The following ETFA variants were observed in gnomAD, a reference collection of about 807,000 sequenced individuals.
The protein encoded by ETFA is electron transfer flavoprotein subunit alpha.
ETFA carries 22 observed loss-of-function variants against 46.2 expected under a neutral mutation model. The ratio of observed to expected loss-of-function variants is 0.48; its 90% CI spans 0.34 to 0.68. ETFA has a LOEUF of 0.68. Among genes scored for constraint, ETFA ranks in the 30% least tolerant of loss-of-function variants. The probability of loss-of-function intolerance (pLI) is 0.01; values close to 1 mark genes in which losing one functional copy is unlikely to be tolerated. For synonymous variants in ETFA, 131 were observed against 139.9 expected (o/e 0.94, Z 0.45); for missense variants, 345 against 401.1 (o/e 0.86, Z 1.19).
intron 1 of ETFA, among the ~76,000 whole-genome samples, chr15:76,309,307 G>T (rs962900073): frequency 6.6e-6 from 1 of 152,110 alleles, no homozygotes; most frequent in Admixed American, 6.5e-5. Context: ...AAAAATTAGC[G>T]GGGCGTGGTG....
At chr15:76,239,306 G>A (rs2039160126) in intron 9 of ETFA, among the ~76,000 whole-genome samples, 1 of 152,108 alleles carries the variant, frequency 6.6e-6, no homozygotes, top group Non-Finnish European at 1.5e-5. Context: ...TATACAATGT[G>A]ATGTTTTGAT....
In ETFA at chr15:76,216,691, A is replaced by C. The variant is rs558438624; in HGVS notation, c.964-94T>G. On this transcript the variant is annotated intron_variant, in intron 11 of 11. Coordinates refer to ENST00000557943, the MANE Select transcript of ETFA (RefSeq NM_000126.4). ...GCATTACAGGGAGGCCAAAAGAAAC[A>C]ACACAAATCACTGTTGAGGCACGAG... 7.2e-5 allele frequency: 61 copies of C among 849,442 alleles called. No homozygotes were observed. In the African/African-American group the frequency reaches 8.6e-4, roughly 12 times the overall value. The allele number at this position is 849,442 out of a possible 1,614,324, so 52.6% of individuals were successfully genotyped here.
intron 8 of ETFA, among the ~76,000 whole-genome samples, chr15:76,281,296 C>T (rs1219541332): frequency 6.6e-6 from 1 of 152,166 alleles, no homozygotes; most frequent in African/African-American, 2.4e-5. Flanking sequence ...TGAGCCACCA[C>T]ACCCAGCCAG....
At chr15:76,260,093 G>T in intron 9 of ETFA, 1 of 1,484,792 alleles carries the variant, frequency 6.7e-7, no homozygotes, top group Non-Finnish European at 9.4e-7. Context: ...CCATCCTCCT[G>T]CTTCAGCTGG....
intron 11 of ETFA, among the ~76,000 whole-genome samples, chr15:76,217,265 C>T (rs2038905940): frequency 6.6e-6 from 1 of 152,202 alleles, no homozygotes; most frequent in Non-Finnish European, 1.5e-5. Flanking sequence ...GCATTCCTGA[C>T]TTTCCTTCCA....
At chr15:76,247,602 T>G (rs988092334) in intron 9 of ETFA, among the ~76,000 whole-genome samples, 1 of 151,966 alleles carries the variant, frequency 6.6e-6, no homozygotes, top group Non-Finnish European at 1.5e-5. Context: ...ATCAGTACAT[T>G]TTTTTTTACG....
At chr15:76,309,985 A>G (rs1225851174) in intron 1 of ETFA, 1 of 151,036 alleles carries the variant, frequency 6.6e-6, no homozygotes, top group Non-Finnish European at 1.4e-5. Flanking sequence ...TAATTCCAGG[A>G]CTTTGGGAGG....
intron 9 of ETFA, among the ~76,000 whole-genome samples, chr15:76,272,773 C>T (rs935749044): frequency 1.3e-4 from 19 of 147,014 alleles, no homozygotes; most frequent in Non-Finnish European, 2.1e-4. Flanking sequence ...TGCACTCCAG[C>T]CCAGGTAACA....
chr15:76,283,850 A>G, intron 7 of ETFA, 25 bp from the exon 8 acceptor site: 1 of 1,554,854 alleles, frequency 6.4e-7, no homozygotes, highest in South Asian at 1.1e-5. Flanking sequence ...TGAAAAAAAA[A>G]AATTAGGCAA....
At chr15:76,220,293 C>T (rs945155250) in intron 11 of ETFA, among the ~76,000 whole-genome samples, 2 of 152,198 alleles carry the variant, frequency 1.3e-5, no homozygotes, top group Non-Finnish European at 2.9e-5. Context: ...GTCTCGAACT[C>T]GTGACATCGA....
chr15:76,259,326 C>T (rs1301418325), intron 9 of ETFA: 25 of 1,596,396 alleles, frequency 1.6e-5, no homozygotes, highest in African/African-American at 6.7e-5. Flanking sequence ...ACAAGTAAAG[C>T]TTGGGCGCTG....
chr15:76,255,943 G>A (rs1202369962), intron 9 of ETFA, among the ~76,000 whole-genome samples: 1 of 151,436 alleles, frequency 6.6e-6, no homozygotes, highest in East Asian at 1.9e-4. Context: ...TTCACCTAAG[G>A]TCCTTGATAA....
intron 1 of ETFA, among the ~76,000 whole-genome samples, chr15:76,301,601 T>G (rs936158462): frequency 1.3e-5 from 2 of 152,094 alleles, no homozygotes; most frequent in Non-Finnish European, 2.9e-5. Flanking sequence ...TCCCAGCTAC[T>G]CAGGAGGCTA....
chr15:76,280,741 C>T (rs1050018285), intron 8 of ETFA, among the ~76,000 whole-genome samples: 8 of 152,106 alleles, frequency 5.3e-5, no homozygotes, highest in Admixed American at 2.0e-4. Context: ...TTGCTACTTT[C>T]TCTTTTGCAC....
In ETFA at chr15:76,278,231, C is replaced by T. The variant is rs1259437180; in HGVS notation, c.734-3737G>A. On this transcript the variant is annotated intron_variant, in intron 8 of 11. Coordinates refer to ENST00000557943, the MANE Select transcript of ETFA (RefSeq NM_000126.4). The stretch of plus-strand genomic sequence containing the variant: ...GATCATATCCTAGACATTTTCTTTA[C>T]CAAGATTGCTTAATACTCCCAATTT... 2.6e-5 allele frequency among the ~76,000 whole-genome samples: 4 copies of T among 152,150 alleles called. No homozygotes were observed. In the East Asian group the frequency reaches 7.7e-4, roughly 29 times the overall value.
chr15:76,255,416 A>G (rs1436181195), intron 9 of ETFA, among the ~76,000 whole-genome samples: 1 of 152,238 alleles, frequency 6.6e-6, no homozygotes, highest in Non-Finnish European at 1.5e-5. Context: ...TTAAGTTATC[A>G]TATTTCATTG....
At chr15:76,218,919 G>C (rs546823469) in intron 11 of ETFA, among the ~76,000 whole-genome samples, 3 of 152,160 alleles carry the variant, frequency 2.0e-5, no homozygotes, top group African/African-American at 7.2e-5. Context: ...CATAGACAGA[G>C]AGGCCTATGA....
At chr15:76,260,742 G>A (rs1419597406) in intron 9 of ETFA, 52 of 1,605,968 alleles carry the variant, frequency 3.2e-5, no homozygotes, top group Non-Finnish European at 4.3e-5. Flanking sequence ...AGCGCTGGCT[G>A]GGGCTAGACC....
intron 9 of ETFA, among the ~76,000 whole-genome samples, chr15:76,266,008 C>G (rs2039466809): frequency 6.6e-6 from 1 of 152,144 alleles, no homozygotes; most frequent in South Asian, 2.1e-4. Flanking sequence ...TTTAAAATAA[C>G]TGGTGCAGGA....
Sources: gnomAD v4.1 joint callset for allele counts (sites outside exome capture counted in the v4.1 genomes callset) on GRCh38, gnomAD v4.1.1 for gene constraint, MANE v1.5 for transcripts, NCBI Gene and HGNC (gene_info 2026-07-23, HGNC 2026-07-21) for gene names.